Variants in JPT2 observed in about 807,000 individuals in gnomAD.
The protein encoded by JPT2 is CRAMP_1 like.
In JPT2, 9 loss-of-function variants were observed where a neutral mutation model predicts 15.9. The observed-to-expected ratio is 0.57, with a 90% CI of 0.34 to 0.99. The LOEUF is 0.99. Ranked by LOEUF, JPT2 falls within the 50% of genes least tolerant of loss-of-function variation. The pLI, the probability that JPT2 is intolerant of heterozygous loss-of-function variation, is 0.02. For synonymous variants in JPT2, 95 were observed against 91.7 expected (o/e 1.04, Z -0.21); for missense variants, 267 against 252.1 (o/e 1.06, Z -0.40).
chr16:1,684,295 A>G (rs1197549289), intron 1 of JPT2, among the ~76,000 whole-genome samples: 1 of 152,144 alleles, frequency 6.6e-6, no homozygotes, highest in Non-Finnish European at 1.5e-5. Flanking sequence ...TTAAATCTCA[A>G]TTTCAGTAAG....
intron 1 of JPT2, 91 bp from the exon 2 acceptor site, chr16:1,685,348 C>T (rs779114658): frequency 1.5e-6 from 2 of 1,374,656 alleles, no homozygotes; most frequent in Admixed American, 4.2e-5. Context: ...AAACAAAATA[C>T]TTTTACCCTG....
Position 1,684,312 on chromosome 16 carries a change from T to C in JPT2, c.45-1127T>C, listed in dbSNP as rs899095647. On this transcript the variant is annotated intron_variant, in intron 1 of 4. Coordinates refer to ENST00000248098, the MANE Select transcript of JPT2 (RefSeq NM_144570.3). ...AAATCTCAATTTCAGTAAGCCTCTC[T>C]CTCAAATGCATTTAAAAGTTTTTCC... 2.0e-5 allele frequency among the ~76,000 whole-genome samples: 3 copies of C among 152,214 alleles called. No homozygotes were observed. The East Asian group carries it at 5.8e-4, about 29-fold the overall frequency.
chr16:1,683,415 C>G (rs531414667), intron 1 of JPT2: 2,237 of 655,260 alleles, frequency 3.4e-3, no homozygotes, highest in Non-Finnish European at 5.2e-3. Context: ...CCGGACAGCC[C>G]TTTCTCATTT....
At chr16:1,687,019 G>A (rs966837947) in intron 2 of JPT2, among the ~76,000 whole-genome samples, 1 of 152,202 alleles carries the variant, frequency 6.6e-6, no homozygotes, top group Non-Finnish European at 1.5e-5. Flanking sequence ...GTCTCACTCT[G>A]TCGCCCAGGC....
chr16:1,684,168 T>C (rs2037046341), intron 1 of JPT2, among the ~76,000 whole-genome samples: 1 of 152,220 alleles, frequency 6.6e-6, no homozygotes, highest in Admixed American at 6.5e-5. Flanking sequence ...TGAGGTTGGT[T>C]GAATCCATGG....
In JPT2 at chr16:1,701,196, A is replaced by G. The variant is rs996776231; in HGVS notation, c.*2198A>G. On this transcript the variant is annotated 3_prime_UTR_variant, in exon 5 of 5. Transcript: ENST00000248098. The stretch of plus-strand genomic sequence containing the variant: ...CTGTATTTGGAAGATTTAAAAACCT[A>G]GCATCCTGTTCTCACCCTCTAAGCT... 2.0e-5 allele frequency: 3 copies of G among 152,638 alleles called. No homozygotes were observed. The highest frequency in any genetic ancestry group is 4.4e-5 in the Non-Finnish European group (3 of 68,040). 9.5% of individuals were successfully genotyped at this position (152,638 alleles called of 1,614,324 possible). A position where few individuals can be genotyped will look rare whatever the true frequency, so the allele number is the denominator to read the frequency against.
chr16:1,679,309 C>T (rs1462195169), intron 1 of JPT2, among the ~76,000 whole-genome samples: 1 of 152,208 alleles, frequency 6.6e-6, no homozygotes, highest in Non-Finnish European at 1.5e-5. Context: ...TACTATATTG[C>T]TTCTCAGCCT....
At chr16:1,680,294 A>C in intron 1 of JPT2, 1 of 992,746 alleles carries the variant, frequency 1.0e-6, no homozygotes, top group Non-Finnish European at 1.2e-6. Flanking sequence ...CTGCCCGGTA[A>C]ATGATGGTGT....
chr16:1,699,083 CG>C lies in JPT2; in HGVS notation c.*89del. 7.1e-7 allele frequency: 1 copy of C among 1,407,690 alleles called. No individual in the cohort carries two copies. Among genetic ancestry groups the C allele is most frequent in the Non-Finnish European group, 1.0e-6 (1 of 1,004,686 alleles). The allele number at this position is 1,407,690 out of a possible 1,614,324, so 87.2% of individuals were successfully genotyped here. On this transcript the variant is annotated 3_prime_UTR_variant, in exon 5 of 5. Transcript: ENST00000248098. ...TTTCATTTCCTTTTGCCCAAATGAG[CG>C]GGGTGGGAAGAGGGTTAGTCTTATG...
At chr16:1,691,796 G>T (rs1272525820) in intron 2 of JPT2, 47 bp from the exon 3 acceptor site, 1 of 1,426,562 alleles carries the variant, frequency 7.0e-7, no homozygotes, top group Non-Finnish European at 9.5e-7. Flanking sequence ...GTGGGGTGGG[G>T]TCCGGTGGAC....
At chr16:1,678,420 C>G in intron 1 of JPT2, 64 bp downstream of exon 1, 1 of 1,219,346 alleles carries the variant, frequency 8.2e-7, no homozygotes, top group Non-Finnish European at 1.0e-6. Context: ...GCGGGCCAGC[C>G]CAGGGCGTCC....
chr16:1,698,269 C>T lies in JPT2; in HGVS notation c.385+409C>T, dbSNP rs1596510644. ...CACCCCGGGGGAGTGAGCCACTGCT[C>T]AGGTTGAGCGGCAGACTTCGACTCT... On this transcript the variant is annotated intron_variant, in intron 4 of 4. Transcript: ENST00000248098. The surrounding 1 kb of genome is among the most constrained non-coding windows in gnomAD (Gnocchi z 4.9). 6.6e-6 allele frequency among the ~76,000 whole-genome samples: 1 copy of T among 152,316 alleles called. No homozygotes were observed. The highest frequency in any genetic ancestry group is 3.4e-3 in the Middle Eastern group (1 of 294).
intron 1 of JPT2, among the ~76,000 whole-genome samples, chr16:1,678,754 C>A (rs79994310): frequency 0.022 from 3,336 of 149,030 alleles, 232 homozygotes; most frequent in Admixed American, 0.13. Flanking sequence ...CTGTGGGATG[C>A]GTGTCCATGT....
Position 1,700,185 on chromosome 16 carries a change from G to A in JPT2, c.*1187G>A, listed in dbSNP as rs754484578. 1 of 456,002 alleles carries A rather than the reference G, an allele frequency of 2.2e-6. No individual in the cohort carries two copies. The highest frequency in any genetic ancestry group is 1.5e-5 in the South Asian group (1 of 64,558). 28.2% of individuals were successfully genotyped at this position (456,002 alleles called of 1,614,324 possible). The stretch of plus-strand genomic sequence containing the variant: ...AACTCACAAACAAGCTTCCAGAAGA[G>A]ACTAGAGACCTTAGGCCAGGAGATG... On this transcript the variant is annotated 3_prime_UTR_variant, in exon 5 of 5. Transcript: ENST00000248098.
intron 1 of JPT2, among the ~76,000 whole-genome samples, chr16:1,682,103 C>T (rs974044367): frequency 2.0e-5 from 3 of 152,222 alleles, no homozygotes; most frequent in African/African-American, 7.2e-5. Context: ...TGGCTGGGCA[C>T]AGTGGCTCAC....
intron 1 of JPT2, among the ~76,000 whole-genome samples, chr16:1,684,273 C>G (rs1217829318): frequency 6.6e-6 from 1 of 152,226 alleles, no homozygotes; most frequent in African/African-American, 2.4e-5. Context: ...AGAGCATGTG[C>G]CACTCACTGG....
chr16:1,681,512 C>T lies in JPT2; in HGVS notation c.44+3156C>T, dbSNP rs970585801. The stretch of plus-strand genomic sequence containing the variant: ...ATTGCAAGTAACTACCACTCACCTC[C>T]TGCGCCCATTGGTCCCCATTCCACA... On this transcript the variant is annotated intron_variant, in intron 1 of 4. Transcript: ENST00000248098. 5.0e-4 allele frequency among the ~76,000 whole-genome samples: 76 copies of T among 152,322 alleles called. 3 individuals carry two copies. Among genetic ancestry groups the T allele is most frequent in the Admixed American group, 4.2e-3 (65 of 15,296 alleles).
chr16:1,683,374 G>A (rs865804752), intron 1 of JPT2: 2 of 632,732 alleles, frequency 3.2e-6, no homozygotes, highest in Middle Eastern at 3.7e-4. Context: ...GCCTCCCAAG[G>A]TGCTGGGATT....
At chr16:1,702,092 T>G (rs2037183939), downstream of JPT2, 1 of 454,352 alleles carries the variant, frequency 2.2e-6, no homozygotes, top group East Asian at 7.0e-5. Flanking sequence ...TCTGATGTAT[T>G]AGCTATTTTC....
Sources: allele counts gnomAD v4.1 joint callset (sites outside exome capture counted in the v4.1 genomes callset), GRCh38; gene constraint gnomAD v4.1.1; non-coding constraint Gnocchi (gnomAD v3.1); transcripts MANE v1.5; gene names NCBI Gene and HGNC (gene_info 2026-07-23, HGNC 2026-07-21).